The following ABCC8 variants were observed in gnomAD, a reference collection of about 807,000 sequenced individuals.
ABCC8 encodes the protein ATP binding cassette subfamily C member 8.
A neutral mutation model predicts 188.0 loss-of-function variants in ABCC8; 137 were observed. The observed-to-expected ratio is 0.73, with a 90% confidence interval of 0.63 to 0.84. The LOEUF (loss-of-function observed/expected upper bound fraction) is 0.84, where lower values mean the gene tolerates loss of function less well. Among genes scored for constraint, ABCC8 ranks in the 40% least tolerant of loss-of-function variants. ABCC8 has a pLI of 0.00. For synonymous variants in ABCC8, 797 were observed against 846.5 expected (o/e 0.94, Z 1.01); for missense variants, 1,750 against 2,072.7 (o/e 0.84, Z 3.02).
In ABCC8 at chr11:17,407,464, G is replaced by A; in HGVS notation, c.2821-11C>T. On this transcript the variant is annotated splice_polypyrimidine_tract_variant and intron_variant, in intron 23 of 38. Transcript: ENST00000389817. ...CTCTGTGACAGTCTCCTAAAAGACA[G>A]ATGTGGCCTGGGCAATGTCTTCAGG... 6.2e-7 allele frequency: 1 copy of A among 1,614,204 alleles called. No homozygotes were observed. The highest frequency in any genetic ancestry group is 1.3e-5 in the African/African-American group (1 of 75,052).
chr11:17,443,154 A>G, intron 9 of ABCC8, 24 bp downstream of exon 9: 7 of 1,613,298 alleles, frequency 4.3e-6, no homozygotes, highest in Non-Finnish European at 5.9e-6. Context: ...GAGGGACAAA[A>G]CACACACACC....
chr11:17,439,093 G>T (rs1956214969), intron 10 of ABCC8, among the ~76,000 whole-genome samples: 1 of 152,192 alleles, frequency 6.6e-6, no homozygotes. Context: ...CCTTCCTGGT[G>T]CTTGGCACAG....
At chr11:17,433,941 C>T (rs979034007) in intron 10 of ABCC8, among the ~76,000 whole-genome samples, 9 of 152,166 alleles carry the variant, frequency 5.9e-5, no homozygotes, top group African/African-American at 1.2e-4. Context: ...GCACCGTTTC[C>T]GGCAGGAAAC....
At chr11:17,450,306 CTTTCTTTCTTTCTTTCTT>C (rs1564959223) in intron 7 of ABCC8, among the ~76,000 whole-genome samples, 48 of 130,294 alleles carry the variant, frequency 3.7e-4, no homozygotes, top group African/African-American at 1.4e-3. Flanking sequence ...TTCTTTCTTT[CTTTCTTTCTTTCTTTCTT>C]TCTCTCTCTC....
intron 16 of ABCC8, among the ~76,000 whole-genome samples, chr11:17,421,342 G>A (rs1278739669): frequency 2.0e-5 from 3 of 152,184 alleles, no homozygotes; most frequent in Non-Finnish European, 2.9e-5. Context: ...GGAGAAGAGG[G>A]GTAGTGAAAT....
At chr11:17,455,806 AT>A (rs1956970950) in intron 6 of ABCC8, among the ~76,000 whole-genome samples, 1 of 151,886 alleles carries the variant, frequency 6.6e-6, no homozygotes, top group South Asian at 2.1e-4. Flanking sequence ...GGACATGGTG[AT>A]GCATGCCTGT....
intron 4 of ABCC8, among the ~76,000 whole-genome samples, chr11:17,462,918 T>C (rs1244930287): frequency 6.6e-6 from 1 of 152,110 alleles, no homozygotes; most frequent in Non-Finnish European, 1.5e-5. Flanking sequence ...TATGGTATTA[T>C]ACTAATAAAA....
At position 17,408,906 on chromosome 11, in the gene ABCC8, T is replaced by TG. The variant is rs1338415054; in HGVS notation, c.2695-390dup. 8.6e-5 allele frequency among the ~76,000 whole-genome samples: 13 copies of TG among 151,952 alleles called. No homozygotes were observed. In the East Asian group the frequency reaches 2.5e-3, roughly 29 times the overall value. On this transcript the variant is annotated intron_variant, in intron 22 of 38. Coordinates refer to ENST00000389817, the MANE Select transcript of ABCC8 (RefSeq NM_000352.6). ...CTCCATCAGGGCTTAGCAAAGCACC[T>TG]GCTGGTCTAAGTGTGTGTGGCCATG...
chr11:17,450,308 TTCTTTCTTTCTTTCTTTCTCTC>T (rs1956737123), intron 7 of ABCC8, among the ~76,000 whole-genome samples: 1 of 135,226 alleles, frequency 7.4e-6, no homozygotes, highest in African/African-American at 3.2e-5. Flanking sequence ...CTTTCTTTCT[TTCTTTCTTTCTTTCTTTCTCTC>T]TCTCTCTTTC....
Position 17,397,738 on chromosome 11 carries a change from C to A in ABCC8, c.3813G>T (p.Leu1271=). The A allele has an allele frequency of 2.5e-6, 4 of 1,613,856 alleles. No homozygotes were observed. Among genetic ancestry groups the A allele is most frequent in the Non-Finnish European group, 3.4e-6 (4 of 1,179,996 alleles). Residue 1271 remains leucine (L), a synonymous_variant, in exon 31 of 39, where the codon CTG becomes CTT. Coordinates refer to ENST00000389817, the MANE Select transcript of ABCC8 (RefSeq NM_000352.6). ...CCAGGCCAGCAGAGAGCTCCCTGTG[C>A]AGGGAGTTGGAGATGGAGGTCACCG... ...IAAVTSISNS[L]HRELSAGLVG...
At position 17,476,737 on chromosome 11, in the gene ABCC8, C is replaced by A. The variant is rs1298051389; in HGVS notation, c.40G>T (p.Ala14Ser). 4 of 1,601,808 alleles carry A rather than the reference C, an allele frequency of 2.5e-6. No individual in the cohort carries two copies. Among genetic ancestry groups the A allele is most frequent in the Non-Finnish European group, 3.4e-6 (4 of 1,174,550 alleles). Residue 14 changes from alanine (A) to serine (S), a missense_variant, in exon 1 of 39, where the codon GCC becomes TCC. Ala to Ser is a moderately conservative substitution (Grantham distance 99). Coordinates refer to ENST00000389817, the MANE Select transcript of ABCC8 (RefSeq NM_000352.6). ...AGGACCCCCTGGTCCACCCGGTAGG[C>A]GGCCGAGTGGTTCTCGCTGCCGCAG... The part of the protein sequence containing the change: ...AFCGSENHSA[A>S]YRVDQGVLNN...
At chr11:17,440,321 A>C (rs535453588) in intron 10 of ABCC8, among the ~76,000 whole-genome samples, 28 of 152,178 alleles carry the variant, frequency 1.8e-4, no homozygotes, top group Middle Eastern at 3.4e-3. Flanking sequence ...AACCTGTACA[A>C]AACTGGGGGG....
intron 16 of ABCC8, among the ~76,000 whole-genome samples, chr11:17,424,690 G>T (rs1294560877): frequency 6.6e-6 from 1 of 152,160 alleles, no homozygotes; most frequent in African/African-American, 2.4e-5. Flanking sequence ...CAATCCTTCT[G>T]GAAAAGCCCT....
chr11:17,394,622 C>T (rs1953812343), intron 36 of ABCC8, among the ~76,000 whole-genome samples: 1 of 152,156 alleles, frequency 6.6e-6, no homozygotes, highest in Admixed American at 6.5e-5. Flanking sequence ...GAGGTGTGTG[C>T]TGCTGTGGCC....
intron 16 of ABCC8, among the ~76,000 whole-genome samples, chr11:17,418,991 A>G (rs1955211661): frequency 6.6e-6 from 1 of 152,128 alleles, no homozygotes; most frequent in Non-Finnish European, 1.5e-5. Flanking sequence ...ACAACCCTAT[A>G]AACCCTATCC....
At chr11:17,425,906 A>G (rs1459359965) in intron 16 of ABCC8, among the ~76,000 whole-genome samples, 1 of 150,092 alleles carries the variant, frequency 6.7e-6, no homozygotes, top group Non-Finnish European at 1.5e-5. Flanking sequence ...TCATTGTTCA[A>G]CTCCCACTTA....
At chr11:17,443,147 G>A (rs371445576) in intron 9 of ABCC8, 31 bp downstream of exon 9, 148 of 1,612,044 alleles carry the variant, frequency 9.2e-5, no homozygotes, top group Middle Eastern at 3.4e-4. Context: ...AGGGGAAGAG[G>A]GACAAAACAC....
intron 10 of ABCC8, among the ~76,000 whole-genome samples, chr11:17,439,611 C>T (rs1341934427): frequency 6.6e-6 from 1 of 152,060 alleles, no homozygotes; most frequent in Non-Finnish European, 1.5e-5. Flanking sequence ...CCTCCCACTG[C>T]TGACTAACGG....
rs761122316 is a variant in ABCC8 at position 17,432,342 on chromosome 11, C to T, written c.1631-98G>A. 5.7e-4 allele frequency: 877 copies of T among 1,548,544 alleles called. 1 individual carries two copies. The highest frequency in any genetic ancestry group is 7.2e-4 in the Non-Finnish European group (824 of 1,145,778). On this transcript the variant is annotated intron_variant, in intron 10 of 38. Coordinates refer to ENST00000389817, the MANE Select transcript of ABCC8 (RefSeq NM_000352.6). ...TTGGAGGCAGCGCAGTCCAGTGGGG[C>T]CAGCCTGTGGGGCACAGCTCCAGTA... is the stretch of plus-strand genomic sequence containing the variant.
Sources: allele counts gnomAD v4.1 joint callset (sites outside exome capture counted in the v4.1 genomes callset), GRCh38; gene constraint gnomAD v4.1.1; transcripts MANE v1.5; gene names NCBI Gene and HGNC (gene_info 2026-07-23, HGNC 2026-07-21).